Variants in SRD5A2 observed in about 807,000 individuals in gnomAD.
SRD5A2 encodes the protein 3-oxo-5-alpha-steroid 4-dehydrogenase 2.
Under a neutral mutation model 27.4 loss-of-function variants are expected in SRD5A2, and 30 were observed. The observed-to-expected ratio is 1.10, with a 90% CI of 0.82 to 1.49. The LOEUF (loss-of-function observed/expected upper bound fraction) is 1.49. Ranked by LOEUF, SRD5A2 falls within the 40% of genes most tolerant of loss-of-function variation. The pLI is 0.00. For missense variants in SRD5A2, 348 were observed against 323.4 expected (o/e 1.08, Z -0.58); for synonymous variants, 141 against 133.6 (o/e 1.06, Z -0.38).
At chr2:31,588,233 C>G in the SRD5A2 span, among the ~76,000 whole-genome samples, 2 of 151,982 alleles carry the variant, frequency 1.3e-5, no homozygotes, top group Non-Finnish European at 2.9e-5. Context: ...CTTCTCAAAC[C>G]TAGAGAAACA....
At chr2:31,549,321 C>T (rs113885464) in intron 1 of SRD5A2, among the ~76,000 whole-genome samples, 3,244 of 151,630 alleles carry the variant, frequency 0.021, 70 homozygotes, top group African/African-American at 0.049. Context: ...ACCATATTAG[C>T]CAGGTTGGTC....
the SRD5A2 span, among the ~76,000 whole-genome samples, chr2:31,596,036 G>C: frequency 6.6e-6 from 1 of 152,018 alleles, no homozygotes; most frequent in African/African-American, 2.4e-5. Flanking sequence ...AGCAAAATCA[G>C]CATAGAAGAG....
At chr2:31,612,698 T>C in the SRD5A2 span, among the ~76,000 whole-genome samples, 1 of 152,142 alleles carries the variant, frequency 6.6e-6, no homozygotes, top group African/African-American at 2.4e-5. Flanking sequence ...CAAAAGACTG[T>C]AAACGCCCAA....
At chr2:31,529,560 G>A in intron 3 of SRD5A2, 103 bp from the exon 4 acceptor site, 3 of 1,471,138 alleles carry the variant, frequency 2.0e-6, no homozygotes, top group African/African-American at 1.4e-5. Context: ...AAGAACAAAT[G>A]TGGGGCTGGA....
the SRD5A2 span, among the ~76,000 whole-genome samples, chr2:31,586,956 T>A: frequency 4.4e-4 from 67 of 152,306 alleles, no homozygotes; most frequent in African/African-American, 1.6e-3. Flanking sequence ...ATAGCTGCTT[T>A]GAGAAATCTC....
the SRD5A2 span, among the ~76,000 whole-genome samples, chr2:31,591,788 G>GC: frequency 1.8e-5 from 1 of 54,534 alleles, no homozygotes; most frequent in Non-Finnish European, 3.5e-5. Flanking sequence ...TCCTTTGTNA[G>GC]GNCATGGATG....
chr2:31,619,428 T>A, the SRD5A2 span, among the ~76,000 whole-genome samples: 9 of 152,156 alleles, frequency 5.9e-5, no homozygotes, highest in Non-Finnish European at 1.2e-4. Flanking sequence ...TATAACAGAA[T>A]GATTTACATT....
chr2:31,613,983 T>C, the SRD5A2 span, among the ~76,000 whole-genome samples: 2 of 151,498 alleles, frequency 1.3e-5, no homozygotes, highest in African/African-American at 4.8e-5. Flanking sequence ...GTGGGGATGA[T>C]TACAATTCAA....
At chr2:31,554,593 A>T (rs1306829305) in intron 1 of SRD5A2, among the ~76,000 whole-genome samples, 1 of 152,216 alleles carries the variant, frequency 6.6e-6, no homozygotes, top group Non-Finnish European at 1.5e-5. Flanking sequence ...AAGTCTCTTG[A>T]TGGTTGCCTT....
At chr2:31,617,496 C>T in the SRD5A2 span, among the ~76,000 whole-genome samples, 1 of 152,190 alleles carries the variant, frequency 6.6e-6, no homozygotes, top group Non-Finnish European at 1.5e-5. Flanking sequence ...CTGCAGCAGG[C>T]TTGAATTTCT....
the SRD5A2 span, among the ~76,000 whole-genome samples, chr2:31,640,002 T>C: frequency 2.9e-4 from 44 of 152,130 alleles, no homozygotes; most frequent in Non-Finnish European, 5.4e-4. Flanking sequence ...ATGTAATTTT[T>C]AAATATCTTG....
At chr2:31,651,954 C>G in the SRD5A2 span, 1 of 152,888 alleles carries the variant, frequency 6.5e-6, no homozygotes, top group Non-Finnish European at 1.5e-5. Context: ...CAGCAGCCCC[C>G]ACCCTTCTGA....
chr2:31,626,436 G>A, the SRD5A2 span, among the ~76,000 whole-genome samples: 5 of 151,944 alleles, frequency 3.3e-5, no homozygotes, highest in East Asian at 1.9e-4. Context: ...GTCTTGTGCC[G>A]GTTTTCAAAG....
chr2:31,527,461 T>C (rs1039432137), intron 4 of SRD5A2: 6 of 152,270 alleles, frequency 3.9e-5, no homozygotes, highest in Non-Finnish European at 7.3e-5. Context: ...CAAAGTCCTG[T>C]TAGCCTATTA....
intron 1 of SRD5A2, among the ~76,000 whole-genome samples, chr2:31,535,982 T>C (rs1385659487): frequency 6.6e-6 from 1 of 152,208 alleles, no homozygotes; most frequent in African/African-American, 2.4e-5. Flanking sequence ...GGTTAATTAT[T>C]AACCTTATTG....
upstream of SRD5A2, among the ~76,000 whole-genome samples, chr2:31,582,204 C>T (rs1010222343): frequency 5.3e-5 from 8 of 152,152 alleles, no homozygotes; most frequent in Admixed American, 4.6e-4. Context: ...GGTCTCTTCT[C>T]TTCCTTCCCC....
chr2:31,624,610 T>G, the SRD5A2 span, among the ~76,000 whole-genome samples: 6 of 152,154 alleles, frequency 3.9e-5, no homozygotes, highest in Non-Finnish European at 8.8e-5. Context: ...ATGCGGTGTT[T>G]GGTTTTCTGT....
intron 2 of SRD5A2, among the ~76,000 whole-genome samples, chr2:31,533,118 T>C (rs1031349446): frequency 7.2e-5 from 11 of 152,186 alleles, no homozygotes; most frequent in African/African-American, 2.7e-4. Context: ...ATTATATGTG[T>C]AGCCCAAGGC....
rs557774704 is a variant in SRD5A2 at position 31,544,159 on chromosome 2, C to G, written c.282-10393G>C. Among the ~76,000 whole-genome samples the G allele has an allele frequency of 2.8e-3, 429 of 152,052 alleles. 5 individuals are homozygous for G. The highest frequency in any genetic ancestry group is 4.0e-3 in the Non-Finnish European group (274 of 67,858). On this transcript the variant is annotated intron_variant, in intron 1 of 4. Transcript: ENST00000622030. ...GATAGAAGACTTATGAGCATTTATG[C>G]ACCTAATGACAGACCATCAAAATAA...
Sources: allele counts gnomAD v4.1 joint callset (sites outside exome capture counted in the v4.1 genomes callset), GRCh38; gene constraint gnomAD v4.1.1; transcripts MANE v1.5; gene names NCBI Gene and HGNC (gene_info 2026-07-23, HGNC 2026-07-21).